CDH23: variants seen among roughly 807,000 people sequenced by gnomAD.
CDH23 encodes the protein cadherin related 23.
Under a neutral mutation model 317.1 loss-of-function variants are expected in CDH23, and 189 were observed. That is an observed-to-expected ratio of 0.60 (90% CI 0.53 to 0.67). The LOEUF is 0.67. CDH23 is among the 30% of genes least tolerant of loss of function. The pLI is 0.00. For synonymous variants in CDH23, 1,839 were observed against 1,876.8 expected (o/e 0.98, Z 0.52); for missense variants, 4,401 against 4,592.4 (o/e 0.96, Z 1.20).
rs1848307505 is a variant in CDH23, at chr10:71,410,641, G to A, written c.-6+13323G>A. ...CAGACTAAGAAAAAAGTGATTACCA[G>A]AGCCATTACCCGTCATCCTCTGAAG... On this transcript the variant is annotated intron_variant, in intron 1 of 69. Coordinates refer to ENST00000224721, the MANE Select transcript of CDH23 (RefSeq NM_022124.6). 2.6e-5 allele frequency among the ~76,000 whole-genome samples: 4 copies of A among 152,148 alleles called. No homozygotes were observed. In the South Asian group the frequency reaches 8.3e-4, roughly 32 times the overall value.
chr10:71,475,702 G>A (rs1851758962), intron 3 of CDH23, among the ~76,000 whole-genome samples: 1 of 152,222 alleles, frequency 6.6e-6, no homozygotes, highest in Admixed American at 6.5e-5. Context: ...TGGGAGGCAG[G>A]GGTATGAAGG....
At chr10:71,400,209 A>C (rs1022854040) in intron 1 of CDH23, among the ~76,000 whole-genome samples, 1 of 152,198 alleles carries the variant, frequency 6.6e-6, no homozygotes, top group African/African-American at 2.4e-5. Flanking sequence ...ATGACCCTGA[A>C]GGCATCAAGG....
chr10:71,530,382 G>A (rs1054786456), intron 6 of CDH23, among the ~76,000 whole-genome samples: 16 of 152,212 alleles, frequency 1.1e-4, no homozygotes, highest in African/African-American at 2.4e-4. Flanking sequence ...CTCAGCAGCC[G>A]GAGTCACAGT....
intron 6 of CDH23, among the ~76,000 whole-genome samples, chr10:71,515,893 A>G (rs1194777186): frequency 6.6e-6 from 1 of 152,218 alleles, no homozygotes; most frequent in Non-Finnish European, 1.5e-5. Flanking sequence ...AATGTATTAA[A>G]TGCCATGGTA....
intron 22 of CDH23, among the ~76,000 whole-genome samples, chr10:71,700,114 C>T (rs759850458): frequency 6.6e-5 from 10 of 152,152 alleles, no homozygotes; most frequent in South Asian, 4.1e-4. Context: ...AGGCTGGGTG[C>T]GGTCGCTCAC....
chr10:71,532,722 T>TG (rs1205992905), intron 6 of CDH23, among the ~76,000 whole-genome samples: 1 of 44,726 alleles, frequency 2.2e-5, no homozygotes, highest in African/African-American at 8.0e-5. Context: ...TTTTTTTTTT[T>TG]TTTTGTTTTT....
At chr10:71,634,348 C>T (rs1564699978) in intron 11 of CDH23, among the ~76,000 whole-genome samples, 1 of 152,244 alleles carries the variant, frequency 6.6e-6, no homozygotes, top group Non-Finnish European at 1.5e-5. Context: ...CTTCTCCGTG[C>T]ATCTCTGAAA....
intron 9 of CDH23, among the ~76,000 whole-genome samples, chr10:71,582,595 C>T (rs1439195844): frequency 6.6e-6 from 1 of 152,176 alleles, no homozygotes; most frequent in African/African-American, 2.4e-5. Flanking sequence ...GCTGCATAAC[C>T]TTCTAAGCAT....
intron 49 of CDH23, among the ~76,000 whole-genome samples, chr10:71,797,779 GA>G: frequency 6.6e-6 from 1 of 151,904 alleles, no homozygotes; most frequent in East Asian, 2.0e-4. Context: ...CGTGGGCTGG[GA>G]GGGGGCTGCC....
chr10:71,779,465 C>A lies in CDH23; in HGVS notation c.5368+18C>A. The A allele has an allele frequency of 6.3e-7, 1 of 1,583,122 alleles. No individual in the cohort carries two copies. On this transcript the variant is annotated intron_variant, in intron 41 of 69. Transcript: ENST00000224721. ...CCCTCTGGGTGAGTGGGGCTTGGGGCATGCCACCCACAGGGTCTCACCTGC... is the reference window on the plus strand; with the variant it reads ...CCCTCTGGGTGAGTGGGGCTTGGGGAATGCCACCCACAGGGTCTCACCTGC...
At chr10:71,426,742 C>T (rs913266926) in intron 1 of CDH23, among the ~76,000 whole-genome samples, 1 of 152,198 alleles carries the variant, frequency 6.6e-6, no homozygotes, top group Non-Finnish European at 1.5e-5. Context: ...ATGTTATTCA[C>T]ATATGATCCA....
intron 3 of CDH23, among the ~76,000 whole-genome samples, chr10:71,477,778 A>T (rs1851868802): frequency 6.6e-6 from 1 of 152,110 alleles, no homozygotes; most frequent in South Asian, 2.1e-4. Context: ...CAATTCACTA[A>T]GTCACTAGAT....
intron 1 of CDH23, among the ~76,000 whole-genome samples, chr10:71,436,271 G>A (rs1367354723): frequency 6.6e-6 from 1 of 152,256 alleles, no homozygotes; most frequent in Non-Finnish European, 1.5e-5. Flanking sequence ...GCCTCCGATG[G>A]GGAAAGGAGA....
chr10:71,517,471 A>C (rs941856355), intron 6 of CDH23, among the ~76,000 whole-genome samples: 2 of 152,238 alleles, frequency 1.3e-5, no homozygotes, highest in African/African-American at 4.8e-5. Flanking sequence ...CGCAGCCAGC[A>C]GCAGTGCCCC....
At position 71,624,012 on chromosome 10, in the gene CDH23, G is replaced by A. The variant is rs1262070874; in HGVS notation, c.1134+6619G>A. ...CGCTGTGCCTCAGTGTCTGCCTCTG[G>A]AAAACAATGAGTTGGGCCAGTCAGT... On this transcript the variant is annotated intron_variant, in intron 11 of 69. Transcript: ENST00000224721. Among the ~76,000 whole-genome samples the A allele has an allele frequency of 5.9e-5, 9 of 152,312 alleles. No individual in the cohort carries two copies. The East Asian group carries it at 1.5e-3, about 26-fold the overall frequency.
chr10:71,455,216 C>CATATACCCTTCACCATATACCCTTCA (rs1440082894), intron 3 of CDH23, among the ~76,000 whole-genome samples: 2 of 152,068 alleles, frequency 1.3e-5, no homozygotes, highest in East Asian at 3.9e-4. Flanking sequence ...GTACAGAGTT[C>CATATACCCTTCACCATATACCCTTCA]CCATATACCC....
At chr10:71,598,299 C>G (rs1310040647) in intron 9 of CDH23, among the ~76,000 whole-genome samples, 3 of 152,238 alleles carry the variant, frequency 2.0e-5, no homozygotes, top group Non-Finnish European at 4.4e-5. Context: ...CTCTGAGGCT[C>G]TGCTTGGTGC....
intron 12 of CDH23, among the ~76,000 whole-genome samples, chr10:71,645,416 C>T (rs1441371754): frequency 1.3e-5 from 2 of 152,222 alleles, no homozygotes; most frequent in East Asian, 1.9e-4. Context: ...CTGTCATGGC[C>T]GCTTAACTGC....
At position 71,732,168 on chromosome 10, in the gene CDH23, C is replaced by A; in HGVS notation, c.3897C>A (p.Val1299=). 1.2e-6 allele frequency: 2 copies of A among 1,614,000 alleles called. No homozygotes were observed. The highest frequency in any genetic ancestry group is 1.7e-6 in the Non-Finnish European group (2 of 1,179,862). Residue 1299 remains valine (V), a synonymous_variant, in exon 32 of 70, where the codon GTC becomes GTA. Coordinates refer to ENST00000224721, the MANE Select transcript of CDH23 (RefSeq NM_022124.6). ...CCTTCAACCAGGGCTTCTGCAGCGT[C>A]TACATCACTCTGCTCAACGAGCTGG... is the stretch of plus-strand genomic sequence containing the variant. ...APPFNQGFCS[V]YITLLNELDE...
Sources: gnomAD v4.1 joint callset for allele counts (sites outside exome capture counted in the v4.1 genomes callset) on GRCh38, gnomAD v4.1.1 for gene constraint, MANE v1.5 for transcripts, NCBI Gene and HGNC (gene_info 2026-07-23, HGNC 2026-07-21) for gene names.